The following GALNTL6 variants were observed in gnomAD, a reference collection of about 807,000 sequenced individuals.
GALNTL6 encodes polypeptide N-acetylgalactosaminyltransferase-like 6.
In GALNTL6, 46 loss-of-function variants were observed where a neutral mutation model predicts 73.7. The ratio of observed to expected loss-of-function variants is 0.62; its 90% CI spans 0.49 to 0.80. The LOEUF (loss-of-function observed/expected upper bound fraction) is 0.80. Ranked by LOEUF, GALNTL6 falls within the 30% of genes least tolerant of loss-of-function variation. The pLI, the probability that GALNTL6 is intolerant of heterozygous loss-of-function variation, is 0.00. For synonymous variants in GALNTL6, 259 were observed against 263.7 expected (o/e 0.98, Z 0.17); for missense variants, 604 against 755.0 (o/e 0.80, Z 2.34).
At chr4:172,421,148 A>C (rs532956152) in intron 5 of GALNTL6, among the ~76,000 whole-genome samples, 6 of 152,258 alleles carry the variant, frequency 3.9e-5, no homozygotes, top group Non-Finnish European at 7.4e-5. Context: ...CATGTATCCC[A>C]GAACTTAAAG....
chr4:172,547,469 TA>T, intron 5 of GALNTL6, among the ~76,000 whole-genome samples: 1 of 152,222 alleles, frequency 6.6e-6, no homozygotes, highest in Middle Eastern at 3.4e-3. Context: ...CCAAAGAATA[TA>T]TAGCTGGGGG....
At chr4:172,703,148 A>C (rs1482805798) in intron 5 of GALNTL6, among the ~76,000 whole-genome samples, 1 of 152,018 alleles carries the variant, frequency 6.6e-6, no homozygotes, top group Non-Finnish European at 1.5e-5. Context: ...ATTTTTAAAA[A>C]ATCTTATAAA....
chr4:171,902,461 A>G (rs1051415477), intron 2 of GALNTL6, among the ~76,000 whole-genome samples: 6 of 152,230 alleles, frequency 3.9e-5, no homozygotes, highest in Admixed American at 3.3e-4. Context: ...AGGCGAGGAC[A>G]TTCAGTGACT....
At chr4:172,536,458 G>T (rs1224700021) in intron 5 of GALNTL6, among the ~76,000 whole-genome samples, 1 of 152,160 alleles carries the variant, frequency 6.6e-6, no homozygotes, top group African/African-American at 2.4e-5. Context: ...AATAAAGTCT[G>T]GGCTGAGGTG....
chr4:172,326,241 C>T (rs1398883322), intron 4 of GALNTL6, among the ~76,000 whole-genome samples: 1 of 151,916 alleles, frequency 6.6e-6, no homozygotes, highest in African/African-American at 2.4e-5. Flanking sequence ...AAAAAACCCT[C>T]AAATCCATAA....
At chr4:172,281,348 C>T (rs1739047967) in intron 3 of GALNTL6, among the ~76,000 whole-genome samples, 1 of 152,126 alleles carries the variant, frequency 6.6e-6, no homozygotes. Context: ...TTACTCCCAC[C>T]TCTGCTTTAG....
chr4:172,229,057 T>G (rs1238917321), intron 2 of GALNTL6, among the ~76,000 whole-genome samples: 1 of 152,228 alleles, frequency 6.6e-6, no homozygotes, highest in Non-Finnish European at 1.5e-5. Flanking sequence ...GTCCAAGTCC[T>G]GGCTCTGCCA....
intron 5 of GALNTL6, among the ~76,000 whole-genome samples, chr4:172,570,922 C>G (rs1736734833): frequency 6.6e-6 from 1 of 152,094 alleles, no homozygotes; most frequent in Non-Finnish European, 1.5e-5. Context: ...CTAGATCCCT[C>G]TCTTGAGCAG....
chr4:172,458,273 G>T (rs566351005), intron 5 of GALNTL6, among the ~76,000 whole-genome samples: 1 of 151,916 alleles, frequency 6.6e-6, no homozygotes, highest in African/African-American at 2.4e-5. Context: ...AACCAGGAAA[G>T]ATCTAAAATT....
intron 3 of GALNTL6, among the ~76,000 whole-genome samples, chr4:172,310,841 C>T (rs1235147532): frequency 6.6e-6 from 1 of 151,498 alleles, no homozygotes; most frequent in African/African-American, 2.4e-5. Flanking sequence ...AAAAATTAAT[C>T]TGATTTAATA....
intron 5 of GALNTL6, among the ~76,000 whole-genome samples, chr4:172,387,170 A>T (rs767722071): frequency 2.0e-5 from 3 of 152,156 alleles, no homozygotes; most frequent in Non-Finnish European, 4.4e-5. Flanking sequence ...GTATGGTTTC[A>T]ACATAGAAAT....
chr4:172,856,865 C>T (rs764606499), intron 7 of GALNTL6, among the ~76,000 whole-genome samples: 13 of 152,290 alleles, frequency 8.5e-5, no homozygotes, highest in South Asian at 6.2e-4. Context: ...AATTTCATTA[C>T]AGTTAAGTGC....
At chr4:171,837,700 T>C (rs986087964) in intron 2 of GALNTL6, among the ~76,000 whole-genome samples, 1 of 147,256 alleles carries the variant, frequency 6.8e-6, no homozygotes, top group Admixed American at 6.9e-5. Context: ...ATATGTTATA[T>C]ATATTTATAT....
intron 5 of GALNTL6, among the ~76,000 whole-genome samples, chr4:172,437,742 T>C (rs959049944): frequency 1.1e-4 from 16 of 152,088 alleles, no homozygotes; most frequent in Non-Finnish European, 1.9e-4. Flanking sequence ...CACAGACCCT[T>C]ATCTAAATTT....
At chr4:172,256,253 C>T (rs1353046174) in intron 3 of GALNTL6, among the ~76,000 whole-genome samples, 1 of 151,272 alleles carries the variant, frequency 6.6e-6, no homozygotes, top group African/African-American at 2.4e-5. Context: ...TCTCTACCTG[C>T]AACTACATAG....
intron 5 of GALNTL6, among the ~76,000 whole-genome samples, chr4:172,723,227 T>G (rs1349190533): frequency 6.6e-6 from 1 of 152,208 alleles, no homozygotes; most frequent in Non-Finnish European, 1.5e-5. Flanking sequence ...ATTTTAATAC[T>G]GTAAAGTAAC....
At chr4:172,439,386 A>G (rs1184581900) in intron 5 of GALNTL6, among the ~76,000 whole-genome samples, 1 of 151,946 alleles carries the variant, frequency 6.6e-6, no homozygotes, top group Non-Finnish European at 1.5e-5. Context: ...AGATTAGTCC[A>G]CCATCCTAGG....
chr4:172,471,670 C>G (rs1241922929), intron 5 of GALNTL6, among the ~76,000 whole-genome samples: 1 of 152,052 alleles, frequency 6.6e-6, no homozygotes, highest in Non-Finnish European at 1.5e-5. Flanking sequence ...TATATTATTT[C>G]AAATATTCAT....
At chr4:172,110,149 G>C (rs1188753415) in intron 2 of GALNTL6, among the ~76,000 whole-genome samples, 1 of 152,042 alleles carries the variant, frequency 6.6e-6, no homozygotes, top group East Asian at 1.9e-4. Flanking sequence ...ATTTTGGAAG[G>C]CAAGGCTTAT....
Sources: allele counts gnomAD v4.1 joint callset (sites outside exome capture counted in the v4.1 genomes callset), GRCh38; gene constraint gnomAD v4.1.1; transcripts MANE v1.5; gene names NCBI Gene and HGNC (gene_info 2026-07-23, HGNC 2026-07-21).